The following AGAP1 variants were observed in gnomAD, a reference collection of about 807,000 sequenced individuals.
AGAP1 encodes the protein arf-GAP with GTPase, ANK repeat and PH domain-containing protein 1.
AGAP1 carries 29 observed loss-of-function variants against 105.3 expected under a neutral mutation model. That is an observed-to-expected ratio of 0.28 (90% CI 0.21 to 0.38). The LOEUF is 0.38. Among genes scored for constraint, AGAP1 ranks in the 10% least tolerant of loss-of-function variants. The pLI is 1.00. For missense variants in AGAP1, 998 were observed against 1,165.1 expected (o/e 0.86, Z 2.09); for synonymous variants, 509 against 485.9 (o/e 1.05, Z -0.63).
intron 12 of AGAP1, among the ~76,000 whole-genome samples, chr2:235,932,596 C>T (rs1034603895): frequency 6.6e-6 from 1 of 152,190 alleles, no homozygotes; most frequent in Non-Finnish European, 1.5e-5. Context: ...CAAGGCCTTG[C>T]CTTACCAAGC....
At position 235,812,743 on chromosome 2, in the gene AGAP1, CCT is replaced by C. The variant is rs1461954342; in HGVS notation, c.1050+5417_1050+5418del. Among the ~76,000 whole-genome samples the C allele has an allele frequency of 4.6e-5, 7 of 152,348 alleles. No individual in the cohort carries two copies. In the South Asian group the frequency reaches 1.2e-3, roughly 27 times the overall value. On this transcript the variant is annotated intron_variant, in intron 9 of 17. Coordinates refer to ENST00000304032, the MANE Select transcript of AGAP1 (RefSeq NM_001037131.3). The stretch of plus-strand genomic sequence containing the variant: ...AGAGAGGAGCTCCACAGGCCTGCGG[CCT>C]CTCTGCGTAGGCAGAGGTTTACAGG...
At chr2:235,514,701 C>T (rs1277030817) in intron 1 of AGAP1, among the ~76,000 whole-genome samples, 2 of 152,246 alleles carry the variant, frequency 1.3e-5, no homozygotes, top group Non-Finnish European at 2.9e-5. Flanking sequence ...GGCCTGTGCA[C>T]TTTGCTGTGA....
chr2:235,524,249 A>ACT (rs1196833530), intron 1 of AGAP1: 3 of 157,720 alleles, frequency 1.9e-5, no homozygotes, highest in African/African-American at 7.2e-5. Context: ...CAGAGCGAGT[A>ACT]GGGTCACGCC....
rs1434603495 is a variant in AGAP1 at position 235,700,512 on chromosome 2, A to G, written c.164-8667A>G. Among the ~76,000 whole-genome samples the G allele has an allele frequency of 1.3e-5, 2 of 152,074 alleles. No homozygotes were observed. Among genetic ancestry groups the G allele is most frequent in the Non-Finnish European group, 2.9e-5 (2 of 68,012 alleles). On this transcript the variant is annotated intron_variant, in intron 1 of 17. Transcript: ENST00000304032. The surrounding 1 kb of genome is among the most constrained non-coding windows in gnomAD (Gnocchi z 6.1). ...ATGCTTTTGAAGAAACTGTAATGAA[A>G]ATGAGGGCCGGGTGTGTTGGCTCAC...
intron 9 of AGAP1, chr2:235,852,762 C>G: frequency 2.6e-6 from 4 of 1,535,826 alleles, no homozygotes; most frequent in African/African-American, 1.4e-5. Context: ...CGTCAGTCCT[C>G]CCCCTGGCCA....
intron 1 of AGAP1, among the ~76,000 whole-genome samples, chr2:235,598,503 G>A (rs1450762526): frequency 2.0e-5 from 3 of 152,272 alleles, no homozygotes; most frequent in South Asian, 4.1e-4. Flanking sequence ...ATTGTATGTC[G>A]TTTCGTTTAA....
chr2:235,695,680 G>A (rs189346643), intron 1 of AGAP1, among the ~76,000 whole-genome samples: 1 of 152,312 alleles, frequency 6.6e-6, no homozygotes, highest in African/African-American at 2.4e-5. Context: ...ATCTGAGCTG[G>A]TCAGGCAGAG....
intron 9 of AGAP1, among the ~76,000 whole-genome samples, chr2:235,869,988 T>G (rs1287378725): frequency 6.6e-6 from 1 of 152,160 alleles, no homozygotes; most frequent in East Asian, 1.9e-4. Flanking sequence ...CAGCATAATT[T>G]CCACCACATT....
rs1559306516 is a variant in AGAP1, at chr2:236,129,408, C to T, written c.*5286C>T. On this transcript the variant is annotated 3_prime_UTR_variant, in exon 18 of 18. Transcript: ENST00000304032. This position sits in a 1 kb window ranked among gnomAD's most constrained non-coding sequence, Gnocchi z 6.2. ...CATTATGCAGGAGAGAGAAGGGGCG[C>T]AGGTGTATCTCCTTAGAGTACACCT... The T allele has an allele frequency of 6.6e-6, 1 of 152,226 alleles. No homozygotes were observed. Among genetic ancestry groups the T allele is most frequent in the Non-Finnish European group, 1.5e-5 (1 of 68,062 alleles). 9.4% of individuals were successfully genotyped at this position (152,226 alleles called of 1,614,324 possible). A position where few individuals can be genotyped will look rare whatever the true frequency, so the allele number is the denominator to read the frequency against.
intron 9 of AGAP1, among the ~76,000 whole-genome samples, chr2:235,840,673 G>A (rs1184879364): frequency 6.6e-6 from 1 of 152,172 alleles, no homozygotes; most frequent in Admixed American, 6.5e-5. Context: ...TGCAGGAATG[G>A]AAAGGAGAAG....
At chr2:235,524,493 C>A in intron 1 of AGAP1, 2 of 342,796 alleles carry the variant, frequency 5.8e-6, no homozygotes, top group Admixed American at 7.2e-5. Context: ...AGTTGCTTGT[C>A]CTTGCTGTGA....
chr2:235,768,792 G>A (rs971043909), intron 6 of AGAP1, among the ~76,000 whole-genome samples: 4 of 152,210 alleles, frequency 2.6e-5, no homozygotes, highest in East Asian at 1.9e-4. Context: ...CACTGTTAGC[G>A]GTTGACAGTG....
intron 15 of AGAP1, among the ~76,000 whole-genome samples, chr2:236,048,566 C>T (rs2125707547): frequency 6.6e-6 from 1 of 152,276 alleles, no homozygotes; most frequent in South Asian, 2.1e-4. Context: ...CAAGCATGCC[C>T]GTTGTGTACC....
Position 236,083,120 on chromosome 2 carries a change from A to G in AGAP1, c.2114+33839A>G, listed in dbSNP as rs1028995379. ...CAGTGAGCCGAGATCACGCCATTGC[A>G]CTCCAGCCTAGGCAACGAGCGAAAT... On this transcript the variant is annotated intron_variant, in intron 16 of 17. Coordinates refer to ENST00000304032, the MANE Select transcript of AGAP1 (RefSeq NM_001037131.3). This position sits in a 1 kb window ranked among gnomAD's most constrained non-coding sequence, Gnocchi z 5.3. Among the ~76,000 whole-genome samples the G allele has an allele frequency of 1.3e-5, 2 of 152,050 alleles. No individual in the cohort carries two copies. Among genetic ancestry groups the G allele is most frequent in the Non-Finnish European group, 2.9e-5 (2 of 68,022 alleles).
intron 9 of AGAP1, among the ~76,000 whole-genome samples, chr2:235,869,351 G>A (rs1027865394): frequency 1.2e-4 from 18 of 146,414 alleles, no homozygotes; most frequent in African/African-American, 3.8e-4. Context: ...TTGGAAGGCC[G>A]AGGCAGGTGG....
At chr2:235,947,991 G>GGGCTAGGCC (rs574503871) in intron 12 of AGAP1, among the ~76,000 whole-genome samples, 219 of 152,352 alleles carry the variant, frequency 1.4e-3, no homozygotes, top group African/African-American at 5.0e-3. Flanking sequence ...CCTGAGCGTT[G>GGGCTAGGCC]GGCTAGGCCG....
At position 235,751,800 on chromosome 2, in the gene AGAP1, C is replaced by T. The variant is rs745593196; in HGVS notation, c.673+1312C>T. Among the ~76,000 whole-genome samples, 2 of 152,206 alleles carry T rather than the reference C, an allele frequency of 1.3e-5. No homozygotes were observed. The highest frequency in any genetic ancestry group is 2.9e-5 in the Non-Finnish European group (2 of 68,032). ...TACTGCTTCATGGCTTAGGTTTCTT[C>T]TCGCCTTATCCAGTGCCAATGCTGA... On this transcript the variant is annotated intron_variant, in intron 6 of 17. Transcript: ENST00000304032. This position sits in a 1 kb window ranked among gnomAD's most constrained non-coding sequence, Gnocchi z 5.3.
intron 1 of AGAP1, among the ~76,000 whole-genome samples, chr2:235,699,080 C>A (rs919851925): frequency 6.5e-5 from 9 of 138,116 alleles, no homozygotes; most frequent in South Asian, 2.4e-4. Context: ...CCCCCCCCCC[C>A]ACCCCACCTA....
At chr2:235,730,224 G>C (rs772825897) in intron 3 of AGAP1, among the ~76,000 whole-genome samples, 7 of 152,112 alleles carry the variant, frequency 4.6e-5, no homozygotes, top group Non-Finnish European at 1.0e-4. Context: ...GGAAGCACTA[G>C]TGTAGAGAAA....
Sources: allele counts gnomAD v4.1 joint callset (sites outside exome capture counted in the v4.1 genomes callset), GRCh38; gene constraint gnomAD v4.1.1; non-coding constraint Gnocchi (gnomAD v3.1); transcripts MANE v1.5; gene names NCBI Gene and HGNC (gene_info 2026-07-23, HGNC 2026-07-21).